CABLES2: variants seen among roughly 807,000 people sequenced by gnomAD.
The protein encoded by CABLES2 is Cdk5 and Abl enzyme substrate 2, also known as CDK5 and ABL1 enzyme substrate 2.
A neutral mutation model predicts 44.8 loss-of-function variants in CABLES2; 35 were observed. The ratio of observed to expected loss-of-function variants is 0.78; its 90% CI spans 0.60 to 1.04. The LOEUF is 1.04. CABLES2 is among the 50% of genes least tolerant of loss of function. The probability of loss-of-function intolerance (pLI) is 0.00; values close to 1 mark genes in which losing one functional copy is unlikely to be tolerated. For missense variants in CABLES2, 566 were observed against 615.7 expected (o/e 0.92, Z 0.85); for synonymous variants, 282 against 281.1 (o/e 1.00, Z -0.03).
chr20:62,400,700 C>T lies in CABLES2; in HGVS notation c.363-4108G>A, dbSNP rs1223600319. The stretch of plus-strand genomic sequence containing the variant: ...GGGTCCCAGCAGAAGCCTGAGGCCC[C>T]GCGGCAGCCTGCCTGGTGGTACCGT... On this transcript the variant is annotated intron_variant, in intron 1 of 9. Coordinates refer to ENST00000279101, the MANE Select transcript of CABLES2 (RefSeq NM_031215.3). 2.6e-5 allele frequency among the ~76,000 whole-genome samples: 4 copies of T among 152,154 alleles called. No individual in the cohort carries two copies. The East Asian group carries it at 5.8e-4, about 22-fold the overall frequency.
At position 62,396,223 on chromosome 20, in the gene CABLES2, A is replaced by T; in HGVS notation, c.527+92T>A. On this transcript the variant is annotated intron_variant, in intron 3 of 9. Transcript: ENST00000279101. This position sits in a 1 kb window ranked among gnomAD's most constrained non-coding sequence, Gnocchi z 5.7. ...GTGTGGGGTGGGCGGGAGCTTTGGG[A>T]GTGGAGGGAAGATTGCTTGGCTGAC... The T allele has an allele frequency of 9.5e-7, 1 of 1,055,248 alleles. No individual in the cohort carries two copies. The highest frequency in any genetic ancestry group is 2.4e-5 in the East Asian group (1 of 42,248). The allele number at this position is 1,055,248 out of a possible 1,614,324, so 65.4% of individuals were successfully genotyped here. A position where few individuals can be genotyped will look rare whatever the true frequency, so the allele number is the denominator to read the frequency against.
In CABLES2 at chr20:62,396,666, C is replaced by T. The variant is rs1209803032; in HGVS notation, c.363-74G>A. On this transcript the variant is annotated intron_variant, in intron 1 of 9. Coordinates refer to ENST00000279101, the MANE Select transcript of CABLES2 (RefSeq NM_031215.3). The surrounding 1 kb of genome is among the most constrained non-coding windows in gnomAD (Gnocchi z 5.7). ...GCCTTTGTGGCCAGAAACCGAGTGC[C>T]GCCCGCTGTGCAGGGAAGGGCCACT... 31 of 1,472,882 alleles carry T rather than the reference C, an allele frequency of 2.1e-5. No homozygotes were observed. Among genetic ancestry groups the T allele is most frequent in the Middle Eastern group, 1.8e-4 (1 of 5,614 alleles). The allele number at this position is 1,472,882 out of a possible 1,614,324, so 91.2% of individuals were successfully genotyped here.
At chr20:62,395,869 C>T (rs758600324) in intron 3 of CABLES2, among the ~76,000 whole-genome samples, 44 of 152,310 alleles carry the variant, frequency 2.9e-4, no homozygotes, top group Non-Finnish European at 5.3e-4. Flanking sequence ...GCGGCCTCCC[C>T]GACACAGCCT....
intron 1 of CABLES2, among the ~76,000 whole-genome samples, chr20:62,398,017 TGGTGGTGGTGGTGAC>T (rs1988071355): frequency 9.1e-6 from 1 of 110,244 alleles, no homozygotes; most frequent in African/African-American, 5.5e-5. Context: ...GTTATGGCGG[TGGTGGTGGTGGTGAC>T]AGTGATGGTG....
chr20:62,392,736 C>A (rs1987942230), intron 7 of CABLES2, among the ~76,000 whole-genome samples, 184 bp downstream of exon 7: 1 of 152,210 alleles, frequency 6.6e-6, no homozygotes, highest in Non-Finnish European at 1.5e-5. Context: ...GGGTGGACCC[C>A]AGCTGGAGTG....
In CABLES2 at chr20:62,390,908, A is replaced by G. The variant is rs1380492173; in HGVS notation, c.*63T>C. 8 of 1,593,252 alleles carry G rather than the reference A, an allele frequency of 5.0e-6. No individual in the cohort carries two copies. Among genetic ancestry groups the G allele is most frequent in the African/African-American group, 1.3e-5 (1 of 74,526 alleles). ...CTGGCAGGAGGAGGCGCGGGGCTTC[A>G]GTGGGACACCTCCCAGGCCGGCAAG... On this transcript the variant is annotated 3_prime_UTR_variant, in exon 10 of 10. Transcript: ENST00000279101.
At position 62,391,048 on chromosome 20, in the gene CABLES2, C is replaced by T. The variant is rs776476831; in HGVS notation, c.1360G>A (p.Val454Met). 3.7e-6 allele frequency: 6 copies of T among 1,614,144 alleles called. No homozygotes were observed. Among genetic ancestry groups the T allele is most frequent in the Admixed American group, 1.7e-5 (1 of 60,028 alleles). The change falls in exon 10 of 10, where the codon GTG becomes ATG. Residue 454 changes from valine to methionine, a missense_variant. Physicochemically the swap from Val to Met is conservative, Grantham distance 21 (BLOSUM62 1). Around this residue, in one of 2 missense-constraint regions of CABLES2, gnomAD observed 436 missense variants for 536.3 expected, o/e 0.81. Coordinates refer to ENST00000279101, the MANE Select transcript of CABLES2 (RefSeq NM_031215.3). This position sits in a 1 kb window ranked among gnomAD's most constrained non-coding sequence, Gnocchi z 5.7. Reference sequence around the variant, plus strand: ...AGATACAGGGCCAGCTCCAAGGCCACGAGCACTGTGAACTCAAACCCTATC... The same window carrying T: ...AGATACAGGGCCAGCTCCAAGGCCATGAGCACTGTGAACTCAAACCCTATC... The part of the protein sequence containing the change: ...DLIGFEFTVL[V>M]ALELALYLPE...
Position 62,407,091 on chromosome 20 carries a change from C to T in CABLES2, c.186G>A (p.Pro62=), listed in dbSNP as rs1033843983. 9 of 1,050,272 alleles carry T rather than the reference C, an allele frequency of 8.6e-6. No homozygotes were observed. In the African/African-American group the frequency reaches 1.0e-4, roughly 12 times the overall value. The allele number at this position is 1,050,272 out of a possible 1,614,324, so 65.1% of individuals were successfully genotyped here. The part of the protein sequence containing the change: ...LNNISLDGRP[P]SLGPGGEKPP... ...GCTTCTCTCCGCCCGGGCCCAGGCT[C>T]GGGGGCCGCCCGTCCAGGGAGATGT... Residue 62 remains proline (P), a synonymous_variant, in exon 1 of 10, where the codon CCG becomes CCA. Transcript: ENST00000279101.
intron 6 of CABLES2, 128 bp downstream of exon 6, chr20:62,393,312 C>A (rs1601472077): frequency 9.3e-7 from 1 of 1,071,208 alleles, no homozygotes; most frequent in East Asian, 2.4e-5. Flanking sequence ...TGACCCTGTT[C>A]CCCAGGCTCC....
chr20:62,394,105 C>A, intron 5 of CABLES2, 52 bp downstream of exon 5: 1 of 1,459,240 alleles, frequency 6.9e-7, no homozygotes. Context: ...TGCTCCCACC[C>A]GCCTGCCTGG....
At chr20:62,399,911 T>C (rs546976187) in intron 1 of CABLES2, among the ~76,000 whole-genome samples, 1 of 152,282 alleles carries the variant, frequency 6.6e-6, no homozygotes, top group East Asian at 1.9e-4. Context: ...GTGAAATAGC[T>C]CCTGTAATTT....
chr20:62,398,295 CGATGGTGAT>C (rs1988120571), intron 1 of CABLES2, among the ~76,000 whole-genome samples: 1 of 78,368 alleles, frequency 1.3e-5, no homozygotes, highest in Non-Finnish European at 2.5e-5. Flanking sequence ...GTGATGGTGG[CGATGGTGAT>C]GACGGTGGTG....
intron 1 of CABLES2, among the ~76,000 whole-genome samples, chr20:62,398,216 A>ATGGCGG (rs1988112305): frequency 3.1e-5 from 1 of 32,066 alleles, no homozygotes. Context: ...TGGTGATGTG[A>ATGGCGG]TGGTGGTGGT....
chr20:62,398,196 A>ATGGTGATGGTGGTGGTGATGC (rs1569017848), intron 1 of CABLES2, among the ~76,000 whole-genome samples: 1 of 68,320 alleles, frequency 1.5e-5, no homozygotes, highest in Non-Finnish European at 2.9e-5. Flanking sequence ...GATGGTGATG[A>ATGGTGATGGTGGTGGTGATGC]TGGTGGTGAT....
At position 62,391,530 on chromosome 20, in the gene CABLES2, C is replaced by T. The variant is rs753058852; in HGVS notation, c.1092-77G>A. On this transcript the variant is annotated intron_variant, in intron 8 of 9. Transcript: ENST00000279101. The surrounding 1 kb of genome is among the most constrained non-coding windows in gnomAD (Gnocchi z 5.7). Reference sequence around the variant, plus strand: ...GAGGCAGCCCCCTGCCACCACCAACCGAGGCTGGAGCGATGTAGCTTTGGG... The same window carrying T: ...GAGGCAGCCCCCTGCCACCACCAACTGAGGCTGGAGCGATGTAGCTTTGGG... 1.8e-4 allele frequency: 266 copies of T among 1,474,122 alleles called. No homozygotes were observed. The highest frequency in any genetic ancestry group is 4.6e-4 in the Admixed American group (27 of 58,446). 91.3% of individuals were successfully genotyped at this position (1,474,122 alleles called of 1,614,324 possible).
chr20:62,397,955 G>GACA (rs1988059325), intron 1 of CABLES2, among the ~76,000 whole-genome samples: 1 of 123,750 alleles, frequency 8.1e-6, no homozygotes, highest in Non-Finnish European at 1.8e-5. Flanking sequence ...TGACGGTAGT[G>GACA]GTGGTGATGG....
At position 62,394,240 on chromosome 20, in the gene CABLES2, G is replaced by C. The variant is rs771284501; in HGVS notation, c.631C>G (p.Gln211Glu). The C allele has an allele frequency of 2.5e-5, 41 of 1,613,428 alleles. No homozygotes were observed. Among genetic ancestry groups the C allele is most frequent in the Middle Eastern group, 1.6e-4 (1 of 6,062 alleles). The stretch of plus-strand genomic sequence containing the variant: ...GAGACGCCGCCGGACGGGTGCCTCT[G>C]CTTCTGGCTGTCCACCCTCAGGTCA... ...ISDLRVDSQK[Q>E]RHPSGGVSVS... Residue 211 changes from glutamine to glutamate, a missense_variant, in exon 5 of 10, where the codon CAG becomes GAG. Physicochemically the swap from Gln to Glu is conservative, Grantham distance 29. Around this residue, in one of 2 missense-constraint regions of CABLES2, gnomAD observed 436 missense variants for 536.3 expected, o/e 0.81. Transcript: ENST00000279101.
chr20:62,395,243 G>C (rs908154055), intron 3 of CABLES2, among the ~76,000 whole-genome samples: 1 of 152,230 alleles, frequency 6.6e-6, no homozygotes, highest in African/African-American at 2.4e-5. Flanking sequence ...GAGCTACCGG[G>C]GTTCCCCTCC....
chr20:62,397,980 ATGGCG>A (rs1569017267), intron 1 of CABLES2, among the ~76,000 whole-genome samples: 62 of 97,084 alleles, frequency 6.4e-4, no homozygotes, highest in South Asian at 2.3e-3. Flanking sequence ...GACAGTGGTG[ATGGCG>A]GTGGTGGTGA....
Sources: gnomAD v4.1 joint callset for allele counts (sites outside exome capture counted in the v4.1 genomes callset) on GRCh38, gnomAD v4.1.1 for gene constraint, gnomAD v4.1.1 regional missense constraint, Gnocchi (gnomAD v3.1) non-coding constraint, MANE v1.5 for transcripts, NCBI Gene and HGNC (gene_info 2026-07-23, HGNC 2026-07-21) for gene names.